The following JMJD1C variants were observed in gnomAD, a reference collection of about 807,000 sequenced individuals.
JMJD1C encodes the protein jumonji domain containing 1C.
JMJD1C carries 31 observed loss-of-function variants against 245.3 expected under a neutral mutation model. The observed-to-expected ratio is 0.13, with a 90% CI of 0.09 to 0.17. The LOEUF is 0.17. Among genes scored for constraint, JMJD1C ranks in the 10% least tolerant of loss-of-function variants. The probability of loss-of-function intolerance (pLI) is 1.00; values close to 1 mark genes in which losing one functional copy is unlikely to be tolerated. For missense variants in JMJD1C, 2,691 were observed against 3,000.2 expected, an observed-to-expected ratio of 0.90 and a Z score of 2.41; for synonymous variants, 1,057 against 1,017.4, an observed-to-expected ratio of 1.04 and a Z score of -0.74.
intron 3 of JMJD1C, among the ~76,000 whole-genome samples, chr10:63,236,042 A>G (rs1850691947): frequency 6.6e-6 from 1 of 152,230 alleles, no homozygotes; most frequent in Non-Finnish European, 1.5e-5. Flanking sequence ...AAAATCCTCA[A>G]GAGTAATTTT....
chr10:63,496,112 T>C (rs1332798976), intron 1 of JMJD1C, among the ~76,000 whole-genome samples: 1 of 148,494 alleles, frequency 6.7e-6, no homozygotes, highest in African/African-American at 2.5e-5. Flanking sequence ...CACTCATTTG[T>C]AGGAAACATA....
chr10:63,411,716 C>T lies in JMJD1C; in HGVS notation c.169-31234G>A, dbSNP rs866985254. ...CTCCTGGGTTCAAGTGATTCTCCTG[C>T]CTCAGCCTCCTAAGTAGCTGGGACT... On this transcript the variant is annotated intron_variant, in intron 1 of 25. Coordinates refer to ENST00000399262, the MANE Select transcript of JMJD1C (RefSeq NM_032776.3). Among the ~76,000 whole-genome samples the T allele has an allele frequency of 8.6e-5, 13 of 151,542 alleles. No individual in the cohort carries two copies. In the Middle Eastern group the frequency reaches 0.014, roughly 160 times the overall value.
intron 1 of JMJD1C, among the ~76,000 whole-genome samples, chr10:63,424,497 C>CTTTTTTTTTTTTT (rs59823871): frequency 4.4e-3 from 459 of 103,370 alleles, no homozygotes; most frequent in Middle Eastern, 0.018. Context: ...ATTATTATTT[C>CTTTTTTTTTTTTT]TTTTTTTTTT....
chr10:63,292,754 A>G (rs1246106558), intron 2 of JMJD1C, among the ~76,000 whole-genome samples: 1 of 151,590 alleles, frequency 6.6e-6, no homozygotes, highest in Non-Finnish European at 1.5e-5. Flanking sequence ...CTTCCTTAAA[A>G]CCACTTCCGG....
At chr10:63,414,125 T>A (rs1450400079) in intron 1 of JMJD1C, among the ~76,000 whole-genome samples, 2 of 151,954 alleles carry the variant, frequency 1.3e-5, no homozygotes, top group South Asian at 2.1e-4. Context: ...TAGCTGGGAC[T>A]GCAGGTGTCC....
intron 1 of JMJD1C, among the ~76,000 whole-genome samples, chr10:63,513,893 G>T (rs1325088743): frequency 6.6e-6 from 1 of 151,934 alleles, no homozygotes; most frequent in Non-Finnish European, 1.5e-5. Context: ...AGCCTGGGTG[G>T]CAGGGCAAGA....
intron 2 of JMJD1C, among the ~76,000 whole-genome samples, chr10:63,369,011 A>G (rs748703008): frequency 6.6e-6 from 1 of 152,130 alleles, no homozygotes; most frequent in African/African-American, 2.4e-5. Flanking sequence ...AATTTAGTTA[A>G]AGCCTCCTCA....
rs544152342 is a variant in JMJD1C at position 63,465,968 on chromosome 10, G to A, written c.-306C>T. 18 of 493,164 alleles carry A rather than the reference G, an allele frequency of 3.6e-5. No homozygotes were observed. The highest frequency in any genetic ancestry group is 2.9e-4 in the African/African-American group (15 of 50,964). The allele number at this position is 493,164 out of a possible 1,614,324, so 30.5% of individuals were successfully genotyped here. A position where few individuals can be genotyped will look rare whatever the true frequency, so the allele number is the denominator to read the frequency against. On this transcript the variant is annotated 5_prime_UTR_variant, in exon 1 of 26. Transcript: ENST00000399262. ...AGCCCAGCCGCCGCCACCGCGCCGCGGCCAGTACTGCTCCGTCTCCCTCCC... is the reference window on the plus strand; with the variant it reads ...AGCCCAGCCGCCGCCACCGCGCCGCAGCCAGTACTGCTCCGTCTCCCTCCC...
chr10:63,168,369 A>C, intron 25 of JMJD1C, 66 bp downstream of exon 25: 1 of 1,481,596 alleles, frequency 6.7e-7, no homozygotes, highest in Non-Finnish European at 9.1e-7. Flanking sequence ...CTAAGCTGTT[A>C]TACATGTATC....
At chr10:63,180,345 G>A (rs1182033275) in intron 22 of JMJD1C, among the ~76,000 whole-genome samples, 2 of 152,172 alleles carry the variant, frequency 1.3e-5, no homozygotes, top group Non-Finnish European at 2.9e-5. Context: ...GCGAGGCACT[G>A]TCCTAGGAAG....
At chr10:63,178,288 C>T (rs993081667) in intron 22 of JMJD1C, among the ~76,000 whole-genome samples, 3 of 152,228 alleles carry the variant, frequency 2.0e-5, no homozygotes, top group South Asian at 2.1e-4. Context: ...ATGTTCATAA[C>T]TTTTAGGACT....
chr10:63,244,301 T>C (rs1851890489), intron 3 of JMJD1C, among the ~76,000 whole-genome samples: 1 of 152,162 alleles, frequency 6.6e-6, no homozygotes, highest in Non-Finnish European at 1.5e-5. Context: ...AATTTGGGAC[T>C]CCTGGCACTC....
chr10:63,416,542 GA>G (rs1394225346), intron 1 of JMJD1C, among the ~76,000 whole-genome samples: 2 of 152,102 alleles, frequency 1.3e-5, no homozygotes, highest in Admixed American at 1.3e-4. Flanking sequence ...GTAACAAGGG[GA>G]AAACTGTCTT....
chr10:63,262,040 C>T (rs1854828564), intron 3 of JMJD1C, among the ~76,000 whole-genome samples: 1 of 152,200 alleles, frequency 6.6e-6, no homozygotes. Flanking sequence ...TATTAAGAAA[C>T]TGCCTCATGA....
Position 63,209,264 on chromosome 10 carries a change from C to A in JMJD1C, c.2695-29G>T, listed in dbSNP as rs1377931118. 17 of 1,561,604 alleles carry A rather than the reference C, an allele frequency of 1.1e-5. No homozygotes were observed. In the Middle Eastern group the frequency reaches 8.5e-4, roughly 78 times the overall value. On this transcript the variant is annotated intron_variant, in intron 8 of 25. Coordinates refer to ENST00000399262, the MANE Select transcript of JMJD1C (RefSeq NM_032776.3). Reference sequence around the variant, plus strand: ...TTAACAAAACAAAACAAAAAAAACACCTAGATTTCAGTTACTAGAAAAAGC... The same window carrying A: ...TTAACAAAACAAAACAAAAAAAACAACTAGATTTCAGTTACTAGAAAAAGC...
At chr10:63,222,080 G>A (rs1848664567) in intron 3 of JMJD1C, 2 of 514,660 alleles carry the variant, frequency 3.9e-6, no homozygotes, top group Non-Finnish European at 7.1e-6. Context: ...CTGACAGCAA[G>A]TTCTTTTAAA....
At chr10:63,428,399 A>G (rs1046561227) in intron 1 of JMJD1C, among the ~76,000 whole-genome samples, 2 of 152,242 alleles carry the variant, frequency 1.3e-5, no homozygotes, top group Admixed American at 6.5e-5. Flanking sequence ...AAGATTACAA[A>G]AGACTCATTC....
intron 1 of JMJD1C, among the ~76,000 whole-genome samples, chr10:63,394,955 A>G (rs1054604751): frequency 1.3e-5 from 2 of 152,178 alleles, no homozygotes; most frequent in Admixed American, 1.3e-4. Flanking sequence ...GGAAATACTT[A>G]CAAATCACGT....
At chr10:63,505,021 A>G (rs1954674066) in intron 1 of JMJD1C, among the ~76,000 whole-genome samples, 1 of 152,112 alleles carries the variant, frequency 6.6e-6, no homozygotes, top group African/African-American at 2.4e-5. Context: ...CCATTTAAAA[A>G]AGCTTCCTCA....
Sources: gnomAD v4.1 joint callset for allele counts (sites outside exome capture counted in the v4.1 genomes callset) on GRCh38, gnomAD v4.1.1 for gene constraint, MANE v1.5 for transcripts, NCBI Gene and HGNC (gene_info 2026-07-23, HGNC 2026-07-21) for gene names.